The following BMAL1 variants were observed in gnomAD, a reference collection of about 807,000 sequenced individuals.
BMAL1 encodes basic helix-loop-helix ARNT-like protein 1.
chr11:13,323,417 C>G, the BMAL1 span, among the ~76,000 whole-genome samples: 1 of 152,134 alleles, frequency 6.6e-6, no homozygotes, highest in African/African-American at 2.4e-5. Context: ...CATAACTAAA[C>G]AGAAGTCTTG....
At chr11:13,284,198 GTATATATATA>G in the BMAL1 span, among the ~76,000 whole-genome samples, 302 of 71,826 alleles carry the variant, frequency 4.2e-3, 27 homozygotes, top group African/African-American at 0.026. Flanking sequence ...ATATATGTGT[GTATATATATA>G]TGTGTATATA....
the BMAL1 span, among the ~76,000 whole-genome samples, chr11:13,283,932 A>G: frequency 2.0e-4 from 31 of 151,502 alleles, no homozygotes; most frequent in South Asian, 6.3e-3. Context: ...ACCTTTTAAC[A>G]TAACTCACTA....
At chr11:13,370,356 G>C in the BMAL1 span, among the ~76,000 whole-genome samples, 1 of 152,028 alleles carries the variant, frequency 6.6e-6, no homozygotes, top group Non-Finnish European at 1.5e-5. Context: ...CATATTTCCA[G>C]CCTAGACTTG....
the BMAL1 span, among the ~76,000 whole-genome samples, chr11:13,306,780 T>C: frequency 2.5e-4 from 38 of 152,324 alleles, no homozygotes; most frequent in Admixed American, 1.7e-3. Context: ...CTGGGAAGGA[T>C]GCTGTAGGAG....
the BMAL1 span, among the ~76,000 whole-genome samples, chr11:13,323,654 T>C: frequency 7.9e-5 from 12 of 152,258 alleles, no homozygotes; most frequent in African/African-American, 2.7e-4. Context: ...TCTTGCTTTG[T>C]CATCCAGGCT....
At chr11:13,381,150 T>A in the BMAL1 span, 1 of 1,613,956 alleles carries the variant, frequency 6.2e-7, no homozygotes. Context: ...TGTAATTCTC[T>A]TTTCTGACAG....
chr11:13,366,786 A>G, the BMAL1 span: 1 of 1,611,044 alleles, frequency 6.2e-7, no homozygotes, highest in Non-Finnish European at 8.5e-7. Context: ...GCAAAAAGTG[A>G]GTACCAGAGA....
At chr11:13,339,857 C>T in the BMAL1 span, among the ~76,000 whole-genome samples, 1 of 152,194 alleles carries the variant, frequency 6.6e-6, no homozygotes, top group African/African-American at 2.4e-5. Context: ...GCTTGCCTTC[C>T]TCACCAGGAG....
At chr11:13,301,246 T>G in the BMAL1 span, among the ~76,000 whole-genome samples, 4 of 152,206 alleles carry the variant, frequency 2.6e-5, no homozygotes, top group Admixed American at 1.3e-4. Context: ...GTTGTTGTTT[T>G]TATTGTTTCA....
At chr11:13,355,126 A>C in the BMAL1 span, 1 of 1,065,124 alleles carries the variant, frequency 9.4e-7, no homozygotes, top group South Asian at 1.5e-5. Flanking sequence ...ACCTGCGTGG[A>C]ATCTTACCCA....
chr11:13,375,820 C>T, the BMAL1 span: 1 of 1,476,440 alleles, frequency 6.8e-7, no homozygotes, highest in African/African-American at 1.4e-5. Flanking sequence ...CCTAGGGTTC[C>T]TCATCTGGGA....
At chr11:13,358,667 C>T in the BMAL1 span, 1 of 1,368,072 alleles carries the variant, frequency 7.3e-7, no homozygotes, top group South Asian at 1.9e-5. Flanking sequence ...TGTTCCTATC[C>T]CTAAGGCAGA....
the BMAL1 span, among the ~76,000 whole-genome samples, chr11:13,348,456 A>G: frequency 1.3e-5 from 2 of 152,064 alleles, no homozygotes; most frequent in Non-Finnish European, 2.9e-5. Flanking sequence ...CAGACTGAAC[A>G]GAGGCAGTGA....
At chr11:13,285,319 A>G in the BMAL1 span, among the ~76,000 whole-genome samples, 2 of 152,216 alleles carry the variant, frequency 1.3e-5, no homozygotes, top group Admixed American at 6.5e-5. Flanking sequence ...AGTTTATTGG[A>G]TGCCTAGCAC....
chr11:13,359,658 C>G, the BMAL1 span, among the ~76,000 whole-genome samples: 1 of 152,182 alleles, frequency 6.6e-6, no homozygotes, highest in Non-Finnish European at 1.5e-5. Context: ...TATTCCTTCA[C>G]TATTCTACTC....
chr11:13,358,619 A>G, the BMAL1 span: 6 of 1,537,798 alleles, frequency 3.9e-6, no homozygotes, highest in East Asian at 4.7e-5. Flanking sequence ...ATTGTCCTTT[A>G]TGTCCTTGCC....
the BMAL1 span, among the ~76,000 whole-genome samples, chr11:13,281,401 C>T: frequency 1.3e-5 from 2 of 152,226 alleles, no homozygotes; most frequent in Non-Finnish European, 2.9e-5. Context: ...TCTGGCTTCT[C>T]TCGCTACCAC....
chr11:13,300,449 C>T, the BMAL1 span, among the ~76,000 whole-genome samples: 29 of 152,242 alleles, frequency 1.9e-4, no homozygotes, highest in Non-Finnish European at 4.0e-4. Flanking sequence ...TTGGGGTTTT[C>T]ATGAATGAGG....
At chr11:13,306,233 C>T in the BMAL1 span, among the ~76,000 whole-genome samples, 3 of 151,816 alleles carry the variant, frequency 2.0e-5, no homozygotes, top group African/African-American at 7.3e-5. Flanking sequence ...GGAGGCTCAG[C>T]CCTGACAGCA....
Sources: gnomAD v4.1 joint callset for allele counts (sites outside exome capture counted in the v4.1 genomes callset) on GRCh38, gnomAD v4.1.1 for gene constraint, MANE v1.5 for transcripts, NCBI Gene and HGNC (gene_info 2026-07-23, HGNC 2026-07-21) for gene names.